Variants in CDON observed in about 807,000 individuals in gnomAD.
The protein encoded by CDON is cell adhesion associated, oncogene regulated.
In CDON, 73 loss-of-function variants were observed where a neutral mutation model predicts 120.9. The observed-to-expected ratio is 0.60, with a 90% CI of 0.50 to 0.73. CDON has a LOEUF of 0.73. Among genes scored for constraint, CDON ranks in the 30% least tolerant of loss-of-function variants. CDON has a pLI of 0.00. For synonymous variants in CDON, 566 were observed against 573.5 expected, an observed-to-expected ratio of 0.99 and a Z score of 0.19; for missense variants, 1,470 against 1,587.3, an observed-to-expected ratio of 0.93 and a Z score of 1.26.
rs1260361896 is a variant in CDON at position 125,965,747 on chromosome 11, T to C, written c.3357-3749A>G. ...AGAATGACTTAAAGTGATCTGGCCTTTGTCCAACTGCCTGCCAAAGGCAGA... is the reference window on the plus strand; with the variant it reads ...AGAATGACTTAAAGTGATCTGGCCTCTGTCCAACTGCCTGCCAAAGGCAGA... On this transcript the variant is annotated intron_variant, in intron 18 of 19. Transcript: ENST00000531738. 2.6e-5 allele frequency among the ~76,000 whole-genome samples: 4 copies of C among 152,212 alleles called. No homozygotes were observed. In the South Asian group the frequency reaches 8.3e-4, roughly 32 times the overall value.
chr11:126,040,019 T>TA (rs1289841077), intron 1 of CDON, among the ~76,000 whole-genome samples: 12 of 152,102 alleles, frequency 7.9e-5, no homozygotes, highest in Non-Finnish European at 1.5e-4. Flanking sequence ...TTCCCCTGTG[T>TA]AAAAATCATA....
Position 126,010,295 on chromosome 11 carries a change from T to C in CDON, c.1552+46A>G, listed in dbSNP as rs757763256. ...TTTCAAATCACTTTATCTTCTATTA[T>C]AAAAGGAAATTACTCAACTAAAAAT... On this transcript the variant is annotated intron_variant, in intron 8 of 19. Coordinates refer to ENST00000531738, the MANE Select transcript of CDON (RefSeq NM_001378964.1). 2.4e-6 allele frequency: 3 copies of C among 1,267,784 alleles called. No homozygotes were observed. The South Asian group carries it at 3.9e-5, about 16-fold the overall frequency. The allele number at this position is 1,267,784 out of a possible 1,614,324, so 78.5% of individuals were successfully genotyped here. A position where few individuals can be genotyped will look rare whatever the true frequency, so the allele number is the denominator to read the frequency against.
chr11:126,022,731 T>C (rs1226851152), intron 2 of CDON, among the ~76,000 whole-genome samples: 7 of 152,198 alleles, frequency 4.6e-5, no homozygotes, highest in Non-Finnish European at 7.3e-5. Flanking sequence ...TTCCCCTTAT[T>C]AAATTTAATA....
In CDON at chr11:125,994,407, A is replaced by G. The variant is rs1462303579; in HGVS notation, c.2545-18T>C. On this transcript the variant is annotated intron_variant, in intron 13 of 19. Transcript: ENST00000531738. ...GGAATGTACTAAAAAACAGAAGCAAAGACTTGTCAAAGAGAAAAATTAATG... is the reference window on the plus strand; with the variant it reads ...GGAATGTACTAAAAAACAGAAGCAAGGACTTGTCAAAGAGAAAAATTAATG... 1 of 1,318,416 alleles carries G rather than the reference A, an allele frequency of 7.6e-7. No homozygotes were observed. Among genetic ancestry groups the G allele is most frequent in the Non-Finnish European group, 1.1e-6 (1 of 911,004 alleles). The allele number at this position is 1,318,416 out of a possible 1,614,324, so 81.7% of individuals were successfully genotyped here.
At chr11:125,977,129 GCT>G (rs1946169982) in intron 18 of CDON, among the ~76,000 whole-genome samples, 1 of 152,148 alleles carries the variant, frequency 6.6e-6, no homozygotes, top group African/African-American at 2.4e-5. Context: ...TCCATGAAAA[GCT>G]CAAGACAAAA....
chr11:126,062,208 GGAGATT>G (rs1253900592), intron 1 of CDON, among the ~76,000 whole-genome samples: 1 of 152,198 alleles, frequency 6.6e-6, no homozygotes, highest in Non-Finnish European at 1.5e-5. Context: ...CTGCAGGGAT[GGAGATT>G]GAGAGAGGCC....
At position 126,005,602 on chromosome 11, in the gene CDON, T is replaced by C; in HGVS notation, c.1851+157A>G. ...ATTCTCAGTGCTTTCCTAGGATTGGTAAATCCAGCATGACTGGGATCTCTC... is the reference window on the plus strand; with the variant it reads ...ATTCTCAGTGCTTTCCTAGGATTGGCAAATCCAGCATGACTGGGATCTCTC... On this transcript the variant is annotated intron_variant, in intron 9 of 19. Transcript: ENST00000531738. 3 of 708,728 alleles carry C rather than the reference T, an allele frequency of 4.2e-6. No individual in the cohort carries two copies. The East Asian group carries it at 7.9e-5, about 19-fold the overall frequency. The allele number at this position is 708,728 out of a possible 1,614,324, so 43.9% of individuals were successfully genotyped here. A position where few individuals can be genotyped will look rare whatever the true frequency, so the allele number is the denominator to read the frequency against.
At chr11:126,008,520 T>C (rs533084713) in intron 8 of CDON, among the ~76,000 whole-genome samples, 2 of 152,318 alleles carry the variant, frequency 1.3e-5, no homozygotes, top group South Asian at 4.1e-4. Context: ...AAAGATCTTC[T>C]AAAGTTAGTT....
chr11:126,016,460 T>A (rs189286443), intron 6 of CDON, among the ~76,000 whole-genome samples: 45 of 152,214 alleles, frequency 3.0e-4, no homozygotes, highest in African/African-American at 1.1e-3. Flanking sequence ...TGAGACAGGG[T>A]CTGGCTCTGT....
intron 11 of CDON, among the ~76,000 whole-genome samples, chr11:125,997,924 C>A (rs1946835122): frequency 6.6e-6 from 1 of 152,100 alleles, no homozygotes; most frequent in East Asian, 1.9e-4. Context: ...CTATAAGTGG[C>A]AAAGAGAGAT....
At chr11:126,059,252 T>C (rs993027833) in intron 1 of CDON, among the ~76,000 whole-genome samples, 8 of 152,252 alleles carry the variant, frequency 5.3e-5, no homozygotes, top group African/African-American at 1.9e-4. Context: ...AACGTGTATA[T>C]GCTTGTGCTT....
intron 6 of CDON, 143 bp from the exon 7 acceptor site, chr11:126,015,653 G>A: frequency 1.2e-6 from 1 of 856,816 alleles, no homozygotes. Context: ...GTCTGCTGTG[G>A]TAATCAAGAA....
At chr11:126,029,819 T>C (rs1850667759) in intron 1 of CDON, among the ~76,000 whole-genome samples, 1 of 152,208 alleles carries the variant, frequency 6.6e-6, no homozygotes, top group Admixed American at 6.5e-5. Context: ...AGATGCTTAG[T>C]GGTCCCTTTG....
chr11:126,055,307 A>C (rs1175934386), intron 1 of CDON, among the ~76,000 whole-genome samples: 1 of 152,178 alleles, frequency 6.6e-6, no homozygotes, highest in Non-Finnish European at 1.5e-5. Flanking sequence ...GAGATAAAGA[A>C]GGCCCACTTC....
intron 1 of CDON, among the ~76,000 whole-genome samples, chr11:126,036,744 A>G (rs1041247952): frequency 2.0e-5 from 3 of 152,202 alleles, no homozygotes; most frequent in Admixed American, 1.3e-4. Context: ...ACTGGAGTGC[A>G]GTGGTGCAAT....
Position 126,021,215 on chromosome 11 carries a change from A to G in CDON, c.349+33T>C, listed in dbSNP as rs749057879. The stretch of plus-strand genomic sequence containing the variant: ...AAGCACTAACAGTAATTTCAAGAAA[A>G]CCCATACCTAACAGGGACAAAATTA... On this transcript the variant is annotated intron_variant, in intron 3 of 19. Transcript: ENST00000531738. The G allele has an allele frequency of 2.5e-6, 4 of 1,611,124 alleles. 1 individual carries two copies. The South Asian group carries it at 3.3e-5, about 13-fold the overall frequency.
At chr11:126,048,100 A>G (rs1591430229) in intron 1 of CDON, among the ~76,000 whole-genome samples, 1 of 152,122 alleles carries the variant, frequency 6.6e-6, no homozygotes, top group Middle Eastern at 3.4e-3. Flanking sequence ...AACATGGAGA[A>G]ACCTCGTCTT....
rs886047942 is a variant in CDON at position 125,957,026 on chromosome 11, C to T, written c.*3916G>A. ...ATTTTCTTAGGGCAGTAAAACAAAA[C>T]GTTTTCACAAGGAGGCTAAATTTCT... On this transcript the variant is annotated 3_prime_UTR_variant, in exon 20 of 20. Coordinates refer to ENST00000531738, the MANE Select transcript of CDON (RefSeq NM_001378964.1). The T allele has an allele frequency of 3.5e-5, 8 of 229,786 alleles. No homozygotes were observed. The highest frequency in any genetic ancestry group is 1.8e-4 in the East Asian group (1 of 5,494). The allele number at this position is 229,786 out of a possible 1,614,324, so 14.2% of individuals were successfully genotyped here.
chr11:125,983,106 C>G (rs1051555140), intron 16 of CDON, among the ~76,000 whole-genome samples: 1 of 152,216 alleles, frequency 6.6e-6, no homozygotes, highest in African/African-American at 2.4e-5. Context: ...GGGGTCCTCC[C>G]TCACTTTTCT....
Sources: gnomAD v4.1 joint callset for allele counts (sites outside exome capture counted in the v4.1 genomes callset) on GRCh38, gnomAD v4.1.1 for gene constraint, MANE v1.5 for transcripts, NCBI Gene and HGNC (gene_info 2026-07-23, HGNC 2026-07-21) for gene names.